SGCZ: variants seen among roughly 807,000 people sequenced by gnomAD.
SGCZ encodes zeta-sarcoglycan.
A neutral mutation model predicts 41.3 loss-of-function variants in SGCZ; 40 were observed. The ratio of observed to expected loss-of-function variants is 0.97; its 90% CI spans 0.75 to 1.26. The LOEUF (loss-of-function observed/expected upper bound fraction) is 1.26. Ranked by LOEUF, SGCZ falls within the 50% of genes most tolerant of loss-of-function variation. The pLI, the probability that SGCZ is intolerant of heterozygous loss-of-function variation, is 0.00. For missense variants in SGCZ, 552 were observed against 369.8 expected, an observed-to-expected ratio of 1.49 and a Z score of -4.04; for synonymous variants, 206 against 137.5, an observed-to-expected ratio of 1.50 and a Z score of -3.49.
chr8:14,909,861 T>C (rs1456022349), intron 1 of SGCZ, among the ~76,000 whole-genome samples: 2 of 152,152 alleles, frequency 1.3e-5, no homozygotes, highest in African/African-American at 2.4e-5. Context: ...ATGGTGTTCT[T>C]TGACCAGTGT....
chr8:14,994,742 G>A (rs778484476), intron 1 of SGCZ, among the ~76,000 whole-genome samples: 135 of 152,184 alleles, frequency 8.9e-4, no homozygotes, highest in Middle Eastern at 3.4e-3. Context: ...CATTTGTTGA[G>A]TGAATGGATT....
chr8:14,919,203 C>T (rs1412818530), intron 1 of SGCZ, among the ~76,000 whole-genome samples: 1 of 151,934 alleles, frequency 6.6e-6, no homozygotes, highest in Non-Finnish European at 1.5e-5. Flanking sequence ...CTTTGGGAGG[C>T]CGAGGCAGGT....
chr8:15,016,205 C>T (rs945123922), intron 1 of SGCZ, among the ~76,000 whole-genome samples: 5 of 152,148 alleles, frequency 3.3e-5, no homozygotes, highest in Admixed American at 3.3e-4. Context: ...TACACCTGCC[C>T]CATTCCATCC....
At chr8:14,321,371 G>T (rs1378003641) in intron 3 of SGCZ, among the ~76,000 whole-genome samples, 1 of 152,070 alleles carries the variant, frequency 6.6e-6, no homozygotes, top group East Asian at 1.9e-4. Context: ...TTAAAAGTCT[G>T]TAGATATTTA....
chr8:14,624,994 T>C (rs1355958692), intron 1 of SGCZ, among the ~76,000 whole-genome samples: 2 of 152,168 alleles, frequency 1.3e-5, no homozygotes, highest in Non-Finnish European at 2.9e-5. Context: ...ATGAATTTCT[T>C]AGGTATAATC....
chr8:14,371,489 C>T (rs921213301), intron 2 of SGCZ, among the ~76,000 whole-genome samples: 1 of 151,574 alleles, frequency 6.6e-6, no homozygotes, highest in African/African-American at 2.4e-5. Context: ...AATACCCACA[C>T]TAATTTTATC....
intron 7 of SGCZ, among the ~76,000 whole-genome samples, chr8:14,101,264 G>A (rs1802011397): frequency 6.7e-6 from 1 of 150,228 alleles, no homozygotes; most frequent in Admixed American, 6.7e-5. Flanking sequence ...ATGAGGCACA[G>A]TAAGAGAAAG....
chr8:14,548,066 T>C (rs1014426748), intron 2 of SGCZ, among the ~76,000 whole-genome samples: 1 of 152,166 alleles, frequency 6.6e-6, no homozygotes, highest in African/African-American at 2.4e-5. Context: ...TGTTAGTATA[T>C]GTCAGGTACT....
chr8:15,131,365 TGA>T (rs1168952866), intron 1 of SGCZ, among the ~76,000 whole-genome samples: 1 of 152,202 alleles, frequency 6.6e-6, no homozygotes, highest in African/African-American at 2.4e-5. Context: ...TGCCGCCATG[TGA>T]GACATGCCTT....
intron 1 of SGCZ, among the ~76,000 whole-genome samples, chr8:14,756,872 A>G (rs552572038): frequency 2.3e-4 from 35 of 152,362 alleles, no homozygotes; most frequent in African/African-American, 7.9e-4. Flanking sequence ...AGTAAAGAGT[A>G]TCACAGTGGT....
At chr8:14,630,643 C>G (rs970867996) in intron 1 of SGCZ, among the ~76,000 whole-genome samples, 4 of 152,050 alleles carry the variant, frequency 2.6e-5, no homozygotes, top group South Asian at 2.1e-4. Flanking sequence ...AAATGATAGA[C>G]TGGATTAAGA....
intron 1 of SGCZ, among the ~76,000 whole-genome samples, chr8:14,715,486 C>G (rs763470921): frequency 6.6e-5 from 10 of 151,720 alleles, no homozygotes; most frequent in Non-Finnish European, 1.2e-4. Context: ...CAACCTGTAA[C>G]AAAAAACTAG....
chr8:14,534,852 T>C (rs1803246393), intron 2 of SGCZ, among the ~76,000 whole-genome samples: 1 of 151,998 alleles, frequency 6.6e-6, no homozygotes, highest in Admixed American at 6.6e-5. Context: ...CCTCAGGCCA[T>C]CTAGTACTGT....
Position 14,479,727 on chromosome 8 carries a change from ACTTCT to A in SGCZ, c.234+75000_234+75004del, listed in dbSNP as rs1801470921. 1.8e-5 allele frequency among the ~76,000 whole-genome samples: 2 copies of A among 109,390 alleles called. 1 individual carries two copies. Among genetic ancestry groups the A allele is most frequent in the East Asian group, 6.6e-4 (2 of 3,042 alleles). 71.8% of individuals were successfully genotyped at this position (109,390 alleles called of 152,430 possible). A position where few individuals can be genotyped will look rare whatever the true frequency, so the allele number is the denominator to read the frequency against. ...CCAGGTCGCATACCTCCAGAATTCT[ACTTCT>A]TTTTTTTTTTTTTTTTTTTTTTTTT... is the stretch of plus-strand genomic sequence containing the variant. On this transcript the variant is annotated intron_variant, in intron 2 of 7. Coordinates refer to ENST00000382080, the MANE Select transcript of SGCZ (RefSeq NM_139167.4).
intron 4 of SGCZ, among the ~76,000 whole-genome samples, chr8:14,224,565 C>A (rs750874787): frequency 2.0e-5 from 3 of 152,016 alleles, no homozygotes; most frequent in African/African-American, 4.8e-5. Context: ...TATGTGAAAG[C>A]TCAATTATGC....
At chr8:14,506,460 TAAAC>T (rs962045252) in intron 2 of SGCZ, among the ~76,000 whole-genome samples, 5 of 150,474 alleles carry the variant, frequency 3.3e-5, no homozygotes, top group Admixed American at 2.0e-4. Context: ...ACCAAACAAA[TAAAC>T]AAAGAAACAA....
At chr8:14,450,857 C>T (rs2116925998) in intron 2 of SGCZ, among the ~76,000 whole-genome samples, 1 of 152,216 alleles carries the variant, frequency 6.6e-6, no homozygotes, top group Middle Eastern at 3.4e-3. Context: ...TATGTGTATT[C>T]TCTTCAAGGA....
chr8:14,920,645 A>G (rs1055542244), intron 1 of SGCZ, among the ~76,000 whole-genome samples: 2 of 152,224 alleles, frequency 1.3e-5, no homozygotes, highest in South Asian at 4.1e-4. Context: ...CCTAAGCCAT[A>G]TAAACTAAAT....
At chr8:14,663,937 C>A (rs1807830510) in intron 1 of SGCZ, among the ~76,000 whole-genome samples, 1 of 152,066 alleles carries the variant, frequency 6.6e-6, no homozygotes, top group Non-Finnish European at 1.5e-5. Flanking sequence ...AGTTAGAGAA[C>A]CAGCGGCTTA....
Sources: gnomAD v4.1 joint callset for allele counts (sites outside exome capture counted in the v4.1 genomes callset) on GRCh38, gnomAD v4.1.1 for gene constraint, MANE v1.5 for transcripts, NCBI Gene and HGNC (gene_info 2026-07-23, HGNC 2026-07-21) for gene names.